MARCO: variants seen among roughly 807,000 people sequenced by gnomAD.
MARCO encodes the protein macrophage receptor with collagenous structure, also known as macrophage receptor MARCO.
In MARCO, 72 loss-of-function variants were observed where a neutral mutation model predicts 70.0. The ratio of observed to expected loss-of-function variants is 1.03; its 90% CI spans 0.85 to 1.25. The LOEUF is 1.25. MARCO is among the 50% of genes most tolerant of loss of function. MARCO has a pLI of 0.00. For missense variants in MARCO, 696 were observed against 659.3 expected (o/e 1.06, Z -0.61); for synonymous variants, 273 against 243.1 (o/e 1.12, Z -1.14).
At chr2:118,944,571 A>C (rs1331619811) in intron 1 of MARCO, among the ~76,000 whole-genome samples, 2 of 152,168 alleles carry the variant, frequency 1.3e-5, no homozygotes, top group Non-Finnish European at 2.9e-5. Context: ...AATATTTCTA[A>C]TGTCATTTTC....
intron 3 of MARCO, among the ~76,000 whole-genome samples, chr2:118,970,828 G>T (rs1452772881): frequency 2.6e-5 from 4 of 152,224 alleles, no homozygotes; most frequent in Non-Finnish European, 5.9e-5. Flanking sequence ...AATGGGAAGA[G>T]CCTCGCCCTC....
intron 1 of MARCO, among the ~76,000 whole-genome samples, chr2:118,947,815 C>G (rs892395994): frequency 1.3e-5 from 2 of 152,112 alleles, no homozygotes; most frequent in African/African-American, 4.8e-5. Context: ...TTTAGCTATT[C>G]TAGGGTTTTT....
intron 12 of MARCO, among the ~76,000 whole-genome samples, chr2:118,985,249 T>C (rs1204932804): frequency 6.6e-6 from 1 of 152,122 alleles, no homozygotes; most frequent in Non-Finnish European, 1.5e-5. Flanking sequence ...CCAGAATCGG[T>C]TTTATGGAAG....
chr2:118,981,233 G>A (rs1680381959), intron 8 of MARCO, among the ~76,000 whole-genome samples, 176 bp from the exon 9 acceptor site: 1 of 152,042 alleles, frequency 6.6e-6, no homozygotes, highest in Non-Finnish European at 1.5e-5. Flanking sequence ...CTTGTCTCTG[G>A]GGCAAAGCGG....
At chr2:118,982,515 C>T in intron 12 of MARCO, 105 bp downstream of exon 12, 1 of 1,124,742 alleles carries the variant, frequency 8.9e-7, no homozygotes. Flanking sequence ...AGAGGGTCTT[C>T]TGTGCCTTGG....
chr2:118,972,804 A>G (rs556563464), intron 4 of MARCO, among the ~76,000 whole-genome samples: 2 of 152,296 alleles, frequency 1.3e-5, no homozygotes, highest in African/African-American at 2.4e-5. Flanking sequence ...AACAATTTCA[A>G]TTGCTTTTGC....
chr2:118,990,995 T>C (rs1279171571), intron 13 of MARCO, among the ~76,000 whole-genome samples: 2 of 152,118 alleles, frequency 1.3e-5, no homozygotes, highest in Non-Finnish European at 2.9e-5. Flanking sequence ...CTTCCCCACC[T>C]CAGCTGTGGC....
intron 6 of MARCO, among the ~76,000 whole-genome samples, chr2:118,976,138 C>T (rs1367603788): frequency 5.3e-5 from 8 of 152,160 alleles, no homozygotes; most frequent in Non-Finnish European, 1.2e-4. Context: ...TGGAGCCTCC[C>T]CTTCTCTTTA....
chr2:118,953,010 T>C (rs948065088), intron 1 of MARCO: 5 of 152,316 alleles, frequency 3.3e-5, no homozygotes, highest in Middle Eastern at 3.4e-3. Flanking sequence ...AGCAGACATA[T>C]TTATCCCTTA....
rs144659303 is a variant in MARCO at position 118,977,476 on chromosome 2, C to T, written c.619C>T (p.Gln207Ter). Residue 207 changes from glutamine (Q) to a stop codon, truncating the protein, a stop_gained, in exon 7 of 17, where the codon CAA (glutamine) becomes TAA (stop). Transcript: ENST00000327097. LOFTEE classifies it high-confidence loss of function. The stretch of plus-strand genomic sequence containing the variant: ...TCTTTTTTCCTTCCTCACAGGCCTC[C>T]AAGGACCCCAGGGTGCTCCAGGGAA... ...PPGVKGEAGL[Q>*]GPQGAPGKQG... The T allele has an allele frequency of 5.3e-5, 86 of 1,613,944 alleles. No individual in the cohort carries two copies. The African/African-American group carries it at 1.1e-3, about 20-fold the overall frequency.
intron 8 of MARCO, among the ~76,000 whole-genome samples, chr2:118,978,757 A>G (rs1339535129): frequency 6.6e-6 from 1 of 152,234 alleles, no homozygotes; most frequent in Non-Finnish European, 1.5e-5. Flanking sequence ...GTTAGAGACC[A>G]TGTTTTCAAG....
intron 2 of MARCO, among the ~76,000 whole-genome samples, chr2:118,969,814 C>T (rs866991408): frequency 2.0e-5 from 3 of 152,182 alleles, no homozygotes; most frequent in Admixed American, 6.5e-5. Flanking sequence ...CATGCATCTA[C>T]ACCCAGAGCA....
intron 1 of MARCO, among the ~76,000 whole-genome samples, chr2:118,965,384 T>A (rs1680025947): frequency 6.6e-6 from 1 of 152,198 alleles, no homozygotes; most frequent in East Asian, 1.9e-4. Flanking sequence ...ATTTTTTTAG[T>A]TCTATAGTTT....
intron 1 of MARCO, among the ~76,000 whole-genome samples, chr2:118,967,546 A>T (rs1239840252): frequency 6.6e-6 from 1 of 152,072 alleles, no homozygotes; most frequent in Non-Finnish European, 1.5e-5. Flanking sequence ...TCTGGGGGGT[A>T]GGGTGCAGAG....
rs1679954067 is a variant in MARCO at position 118,961,855 on chromosome 2, T to C, written c.98-7305T>C. ...TCCAGGGTTTTTATAGTTTTGGGTT[T>C]TACATTTAAGTCTTTAATCCATCTT... On this transcript the variant is annotated intron_variant, in intron 1 of 16. Coordinates refer to ENST00000327097, the MANE Select transcript of MARCO (RefSeq NM_006770.4). 2.6e-5 allele frequency among the ~76,000 whole-genome samples: 4 copies of C among 152,338 alleles called. No individual in the cohort carries two copies. The South Asian group carries it at 8.3e-4, about 32-fold the overall frequency.
At chr2:118,993,332 C>G (rs749710770) in intron 16 of MARCO, 32 bp downstream of exon 16, 1 of 1,607,808 alleles carries the variant, frequency 6.2e-7, no homozygotes, top group East Asian at 2.2e-5. Context: ...GGCCTCTTCC[C>G]CAGAGGTGTG....
chr2:118,994,491 G>A lies in MARCO; in HGVS notation c.1534G>A (p.Glu512Lys), dbSNP rs866449145. The A allele has an allele frequency of 6.2e-7, 1 of 1,610,690 alleles. No individual in the cohort carries two copies. Among genetic ancestry groups the A allele is most frequent in the Non-Finnish European group, 8.5e-7 (1 of 1,178,174 alleles). The change falls in exon 17 of 17, where the codon GAG becomes AAG. Residue 512 changes from glutamate to lysine, a missense_variant. Coordinates refer to ENST00000327097, the MANE Select transcript of MARCO (RefSeq NM_006770.4). ...SWGHHDCSHE[E>K]DAGVECSV Reference sequence around the variant, plus strand: ...GGGCCATCATGACTGCAGCCACGAGGAGGACGCAGGCGTGGAGTGCAGCGT... The same window carrying A: ...GGGCCATCATGACTGCAGCCACGAGAAGGACGCAGGCGTGGAGTGCAGCGT...
intron 12 of MARCO, among the ~76,000 whole-genome samples, chr2:118,987,684 A>G (rs145255293): frequency 5.1e-4 from 77 of 152,304 alleles, no homozygotes; most frequent in African/African-American, 1.8e-3. Flanking sequence ...TGGTCCTGAG[A>G]CTTGCAGCAT....
At chr2:118,951,930 C>T (rs1002447916) in intron 1 of MARCO, among the ~76,000 whole-genome samples, 31 of 151,470 alleles carry the variant, frequency 2.0e-4, no homozygotes, top group African/African-American at 7.3e-4. Context: ...TTTGTCTCTC[C>T]GCCTCTCTCT....
Sources: gnomAD v4.1 joint callset for allele counts (sites outside exome capture counted in the v4.1 genomes callset) on GRCh38, gnomAD v4.1.1 for gene constraint, MANE v1.5 for transcripts, NCBI Gene and HGNC (gene_info 2026-07-23, HGNC 2026-07-21) for gene names.